RGS20: variants seen among roughly 807,000 people sequenced by gnomAD.
The protein encoded by RGS20 is regulator of G protein signaling 20.
Under a neutral mutation model 33.6 loss-of-function variants are expected in RGS20, and 30 were observed. The ratio of observed to expected loss-of-function variants is 0.89; its 90% CI spans 0.67 to 1.21. RGS20 has a LOEUF of 1.21. Among genes scored for constraint, RGS20 ranks in the 50% most tolerant of loss-of-function variants. The pLI, the probability that RGS20 is intolerant of heterozygous loss-of-function variation, is 0.00. For missense variants in RGS20, 472 were observed against 502.4 expected (o/e 0.94, Z 0.58); for synonymous variants, 208 against 197.9 (o/e 1.05, Z -0.43).
At chr8:53,884,183 A>G (rs1812473791) in intron 2 of RGS20, among the ~76,000 whole-genome samples, 1 of 149,612 alleles carries the variant, frequency 6.7e-6, no homozygotes, top group Non-Finnish European at 1.5e-5. Context: ...CCAAATTAGA[A>G]AAACAGTCTT....
At chr8:53,917,593 C>T (rs1336081038) in intron 2 of RGS20, among the ~76,000 whole-genome samples, 1 of 152,202 alleles carries the variant, frequency 6.6e-6, no homozygotes, top group Non-Finnish European at 1.5e-5. Context: ...AATTTACACA[C>T]CATAAAGTTT....
intron 1 of RGS20, among the ~76,000 whole-genome samples, chr8:53,876,996 C>T (rs1442711325): frequency 6.6e-6 from 1 of 152,158 alleles, no homozygotes; most frequent in African/African-American, 2.4e-5. Context: ...GGAAGAAGGA[C>T]TGGGGCGAAG....
intron 2 of RGS20, among the ~76,000 whole-genome samples, chr8:53,899,243 C>T (rs767038993): frequency 1.2e-4 from 18 of 152,040 alleles, no homozygotes; most frequent in Non-Finnish European, 2.4e-4. Flanking sequence ...TTTTTTCCTT[C>T]CTTTTCTCAG....
At chr8:53,891,482 G>A (rs1193964413) in intron 2 of RGS20, among the ~76,000 whole-genome samples, 2 of 152,100 alleles carry the variant, frequency 1.3e-5, no homozygotes, top group Non-Finnish European at 2.9e-5. Flanking sequence ...TTAGCCAGGT[G>A]TGGTGGCGTG....
intron 1 of RGS20, among the ~76,000 whole-genome samples, chr8:53,862,482 C>T (rs569994030): frequency 1.3e-5 from 2 of 152,118 alleles, no homozygotes; most frequent in Admixed American, 6.5e-5. Context: ...GAAGGTGCAG[C>T]GTTCCTTGGT....
chr8:53,957,078 A>G (rs1814889610), intron 5 of RGS20, among the ~76,000 whole-genome samples: 1 of 152,102 alleles, frequency 6.6e-6, no homozygotes, highest in African/African-American at 2.4e-5. Flanking sequence ...TAGGACACAG[A>G]GTTTACCTTG....
rs139887382 is a variant in RGS20, at chr8:53,939,642, G to A, written c.577G>A (p.Ala193Thr). 9 of 1,598,874 alleles carry A rather than the reference G, an allele frequency of 5.6e-6. No individual in the cohort carries two copies. Among genetic ancestry groups the A allele is most frequent in the East Asian group, 2.3e-5 (1 of 44,328 alleles). ...GCCCGCCGCCCAGGACACACCAGGC[G>A]CCGCCCCAGGCCAGCCCGGAGCGGG... Residue 193 changes from alanine to threonine, a missense_variant, in exon 3 of 6, where the codon GCC becomes ACC. Physicochemically the swap from Ala to Thr is moderately conservative, Grantham distance 58. Around this residue, in one of 3 missense-constraint regions of RGS20, gnomAD observed 319 missense variants for 283.4 expected, o/e 1.13. Transcript: ENST00000297313.
At chr8:53,882,258 C>G (rs550253598) in intron 2 of RGS20, among the ~76,000 whole-genome samples, 60 of 152,296 alleles carry the variant, frequency 3.9e-4, no homozygotes, top group Non-Finnish European at 7.8e-4. Flanking sequence ...CCTACCCCAT[C>G]TCCCTCCACG....
chr8:53,909,563 A>AT (rs1001121504), intron 2 of RGS20, among the ~76,000 whole-genome samples: 4 of 151,462 alleles, frequency 2.6e-5, no homozygotes, highest in South Asian at 2.1e-4. Flanking sequence ...CCCTTATGCT[A>AT]TTTTTTTTAA....
intron 4 of RGS20, among the ~76,000 whole-genome samples, chr8:53,953,339 A>AGGTTT (rs1176561495): frequency 1.3e-5 from 2 of 152,156 alleles, no homozygotes; most frequent in Non-Finnish European, 2.9e-5. Context: ...TAGGCAACAT[A>AGGTTT]GTAAGACCTG....
intron 2 of RGS20, among the ~76,000 whole-genome samples, chr8:53,938,239 T>G (rs538158181): frequency 3.5e-4 from 53 of 152,282 alleles, no homozygotes; most frequent in African/African-American, 1.1e-3. Context: ...TGCAGGGACA[T>G]GGATGAAGCC....
At chr8:53,896,709 C>G (rs1339641502) in intron 2 of RGS20, among the ~76,000 whole-genome samples, 1 of 152,160 alleles carries the variant, frequency 6.6e-6, no homozygotes, top group Non-Finnish European at 1.5e-5. Context: ...ACTTAAGATT[C>G]CTTTGGGTAT....
At chr8:53,958,202 C>A in intron 5 of RGS20, 68 bp from the exon 5 acceptor site, 2 of 1,145,568 alleles carry the variant, frequency 1.7e-6, no homozygotes, top group Non-Finnish European at 2.4e-6. Flanking sequence ...TCCCCACAAG[C>A]TCTAGGAGTT....
intron 1 of RGS20, among the ~76,000 whole-genome samples, chr8:53,869,021 G>A (rs1333263745): frequency 1.3e-5 from 2 of 152,166 alleles, no homozygotes; most frequent in Non-Finnish European, 2.9e-5. Flanking sequence ...CCAAAGTGCT[G>A]AGATTATAGG....
chr8:53,915,910 T>G (rs1813470390), intron 2 of RGS20, among the ~76,000 whole-genome samples: 1 of 152,220 alleles, frequency 6.6e-6, no homozygotes, highest in Non-Finnish European at 1.5e-5. Flanking sequence ...TTTTACCATA[T>G]TTTATCGAAT....
intron 2 of RGS20, among the ~76,000 whole-genome samples, chr8:53,920,650 TGATCTTA>T (rs1380284284): frequency 1.3e-5 from 2 of 152,236 alleles, no homozygotes; most frequent in Non-Finnish European, 2.9e-5. Flanking sequence ...GTGTTTAATA[TGATCTTA>T]GATATAGGTG....
intron 3 of RGS20, among the ~76,000 whole-genome samples, chr8:53,943,523 C>T (rs959974628): frequency 3.9e-5 from 6 of 152,054 alleles, no homozygotes; most frequent in Non-Finnish European, 7.4e-5. Context: ...TAAAACACAG[C>T]GAGCAACTAT....
intron 2 of RGS20, among the ~76,000 whole-genome samples, chr8:53,898,330 G>A (rs1812923691): frequency 6.6e-6 from 1 of 152,176 alleles, no homozygotes; most frequent in South Asian, 2.1e-4. Context: ...GTACCTAGAA[G>A]TAGGTGTGGC....
chr8:53,895,703 G>A (rs1812837892), intron 2 of RGS20, among the ~76,000 whole-genome samples: 1 of 150,522 alleles, frequency 6.6e-6, no homozygotes, highest in African/African-American at 2.4e-5. Flanking sequence ...GGAGTGCAGT[G>A]GCGGGATCTC....
Sources: allele counts gnomAD v4.1 joint callset (sites outside exome capture counted in the v4.1 genomes callset), GRCh38; gene constraint gnomAD v4.1.1; regional missense constraint gnomAD v4.1.1; transcripts MANE v1.5; gene names NCBI Gene and HGNC (gene_info 2026-07-23, HGNC 2026-07-21).